Variants in NEBL observed in about 807,000 individuals in gnomAD.
NEBL encodes nebulette, also known as LIM and SH3 protein 2.
Under a neutral mutation model 140.2 loss-of-function variants are expected in NEBL, and 122 were observed. The ratio of observed to expected loss-of-function variants is 0.87; its 90% CI spans 0.75 to 1.01. NEBL has a LOEUF of 1.01. Ranked by LOEUF, NEBL falls within the 50% of genes least tolerant of loss-of-function variation. The pLI, the probability that NEBL is intolerant of heterozygous loss-of-function variation, is 0.00. For missense variants in NEBL, 1,365 were observed against 1,231.3 expected (o/e 1.11, Z -1.62); for synonymous variants, 436 against 398.9 (o/e 1.09, Z -1.11).
At chr10:21,233,653 C>G (rs1243234868) in intron 3 of NEBL, among the ~76,000 whole-genome samples, 1 of 140,984 alleles carries the variant, frequency 7.1e-6, no homozygotes, top group African/African-American at 2.6e-5. Context: ...TCTATATATA[C>G]ATATATAGAT....
chr10:21,061,870 C>T (rs1589191515), intron 2 of NEBL, among the ~76,000 whole-genome samples: 1 of 152,090 alleles, frequency 6.6e-6, no homozygotes, highest in East Asian at 1.9e-4. Context: ...ACAACACTGT[C>T]CTAGAGACAA....
intron 4 of NEBL, among the ~76,000 whole-genome samples, chr10:20,960,524 C>T (rs1836003095): frequency 6.6e-6 from 1 of 152,022 alleles, no homozygotes; most frequent in African/African-American, 2.4e-5. Context: ...GTGTACTTTG[C>T]ATCCTCCCAC....
upstream of NEBL, among the ~76,000 whole-genome samples, chr10:21,178,876 G>A (rs1314399588): frequency 6.6e-6 from 1 of 152,198 alleles, no homozygotes; most frequent in Non-Finnish European, 1.5e-5. Context: ...TGCCCCTTCT[G>A]GGATTGAGTC....
At chr10:21,195,019 C>T (rs570020624) in intron 3 of NEBL, among the ~76,000 whole-genome samples, 6 of 152,066 alleles carry the variant, frequency 3.9e-5, no homozygotes, top group Non-Finnish European at 7.4e-5. Flanking sequence ...AACTTGAACA[C>T]GAATGGGACA....
intron 2 of NEBL, among the ~76,000 whole-genome samples, chr10:21,038,323 C>A (rs1441578048): frequency 1.3e-5 from 2 of 152,156 alleles, no homozygotes; most frequent in Non-Finnish European, 2.9e-5. Flanking sequence ...TTAAGCCCTG[C>A]ATGCATTAGG....
chr10:20,792,289 G>A (rs1836076024), intron 26 of NEBL, among the ~76,000 whole-genome samples: 1 of 152,078 alleles, frequency 6.6e-6, no homozygotes, highest in Non-Finnish European at 1.5e-5. Context: ...TCCCAATAAA[G>A]AGTCTAGGAC....
In NEBL at chr10:20,785,549, T is replaced by C; in HGVS notation, c.*198A>G. 2 of 635,150 alleles carry C rather than the reference T, an allele frequency of 3.1e-6. No individual in the cohort carries two copies. The highest frequency in any genetic ancestry group is 5.4e-6 in the Non-Finnish European group (2 of 368,924). The allele number at this position is 635,150 out of a possible 1,614,324, so 39.3% of individuals were successfully genotyped here. ...GGTGTCCAGACACAAAGATTTTTGT[T>C]TGTAGGAATTACTGAAAATGCTGCT... On this transcript the variant is annotated 3_prime_UTR_variant, in exon 28 of 28. Coordinates refer to ENST00000377122, the MANE Select transcript of NEBL (RefSeq NM_006393.3).
chr10:21,128,141 G>A lies in NEBL; in HGVS notation c.164+44242C>T, dbSNP rs534235359. Among the ~76,000 whole-genome samples, 4 of 152,096 alleles carry A rather than the reference G, an allele frequency of 2.6e-5. No homozygotes were observed. The South Asian group carries it at 8.3e-4, about 32-fold the overall frequency. On this transcript the variant is annotated intron_variant, in intron 2 of 6. Transcript: ENST00000417816. ...TCATTTCATTATAACCAAATTCAAAGGAAACACAAACAGTAAATTTTTTTA... is the reference window on the plus strand; with the variant it reads ...TCATTTCATTATAACCAAATTCAAAAGAAACACAAACAGTAAATTTTTTTA...
intron 3 of NEBL, among the ~76,000 whole-genome samples, chr10:21,187,098 T>C (rs943082838): frequency 1.3e-5 from 2 of 151,874 alleles, no homozygotes; most frequent in African/African-American, 4.8e-5. Context: ...CTCTTTTACA[T>C]AGATGCAAGT....
chr10:20,994,200 C>A (rs948110741), intron 3 of NEBL, among the ~76,000 whole-genome samples: 1 of 152,160 alleles, frequency 6.6e-6, no homozygotes, highest in Non-Finnish European at 1.5e-5. Flanking sequence ...AGGAATATAC[C>A]TTTTCACTGA....
intron 3 of NEBL, 114 bp from the exon 4 acceptor site, chr10:20,888,321 C>G: frequency 2.8e-6 from 2 of 702,806 alleles, no homozygotes; most frequent in South Asian, 3.4e-5. Flanking sequence ...ATTTTAAAAT[C>G]TGCAGACCAT....
intron 2 of NEBL, among the ~76,000 whole-genome samples, chr10:21,032,476 TC>T (rs1419827873): frequency 1.3e-5 from 2 of 152,160 alleles, no homozygotes; most frequent in African/African-American, 4.8e-5. Context: ...TCCACAGCCA[TC>T]GTCTTGTTCT....
chr10:21,271,916 T>C (rs1383475713), intron 1 of NEBL, among the ~76,000 whole-genome samples: 1 of 152,116 alleles, frequency 6.6e-6, no homozygotes, highest in Non-Finnish European at 1.5e-5. Context: ...CACTTCATAG[T>C]GCATATACAT....
intron 26 of NEBL, among the ~76,000 whole-genome samples, chr10:20,794,926 T>C (rs1836361533): frequency 6.6e-6 from 1 of 152,174 alleles, no homozygotes; most frequent in African/African-American, 2.4e-5. Flanking sequence ...CAATCTTCTT[T>C]TCACCAACAA....
At chr10:21,176,916 C>T (rs1841309472), upstream of NEBL, among the ~76,000 whole-genome samples, 1 of 152,198 alleles carries the variant, frequency 6.6e-6, no homozygotes, top group Non-Finnish European at 1.5e-5. Context: ...CAATTATAAT[C>T]ACCTTTATTA....
At chr10:20,875,561 G>T (rs1482995687) in intron 5 of NEBL, among the ~76,000 whole-genome samples, 5 of 152,176 alleles carry the variant, frequency 3.3e-5, no homozygotes, top group Admixed American at 3.3e-4. Context: ...TTTATACTCA[G>T]GCAACAGTGA....
At chr10:20,927,339 T>C (rs1564446888) in intron 4 of NEBL, among the ~76,000 whole-genome samples, 1 of 152,236 alleles carries the variant, frequency 6.6e-6, no homozygotes, top group African/African-American at 2.4e-5. Flanking sequence ...ACAAAGATTC[T>C]TTATGAAATC....
chr10:20,849,872 T>A (rs1842336677), intron 11 of NEBL, among the ~76,000 whole-genome samples: 1 of 152,178 alleles, frequency 6.6e-6, no homozygotes, highest in African/African-American at 2.4e-5. Context: ...GTAGACACAT[T>A]CTTAATCTAC....
intron 3 of NEBL, among the ~76,000 whole-genome samples, chr10:21,003,685 C>A (rs1021711038): frequency 1.6e-4 from 24 of 152,162 alleles, no homozygotes; most frequent in African/African-American, 5.6e-4. Flanking sequence ...CTAAAAGGTT[C>A]TCAGGCAGGA....
Sources: gnomAD v4.1 joint callset for allele counts (sites outside exome capture counted in the v4.1 genomes callset) on GRCh38, gnomAD v4.1.1 for gene constraint, MANE v1.5 for transcripts, NCBI Gene and HGNC (gene_info 2026-07-23, HGNC 2026-07-21) for gene names.